SPECC1: variants seen among roughly 807,000 people sequenced by gnomAD.
SPECC1 encodes the protein cytospin-B.
In SPECC1, 62 loss-of-function variants were observed where a neutral mutation model predicts 104.1. That is an observed-to-expected ratio of 0.60 (90% CI 0.49 to 0.74). The LOEUF is 0.74. Ranked by LOEUF, SPECC1 falls within the 30% of genes least tolerant of loss-of-function variation. The pLI is 0.00. For synonymous variants in SPECC1, 513 were observed against 501.6 expected (o/e 1.02, Z -0.30); for missense variants, 1,306 against 1,310.5 (o/e 1.00, Z 0.05).
intron 3 of SPECC1, among the ~76,000 whole-genome samples, chr17:20,157,179 G>T (rs897704085): frequency 1.3e-5 from 2 of 152,176 alleles, no homozygotes; most frequent in Non-Finnish European, 2.9e-5. Context: ...TGGCCTCTGC[G>T]CATTGCTTCT....
chr17:20,299,987 A>G (rs1472603295), intron 13 of SPECC1, among the ~76,000 whole-genome samples: 1 of 152,232 alleles, frequency 6.6e-6, no homozygotes, highest in African/African-American at 2.4e-5. Context: ...ACCACCAACC[A>G]CACCTGCTTT....
At chr17:20,143,419 C>T (rs932250571) in intron 3 of SPECC1, among the ~76,000 whole-genome samples, 2 of 151,542 alleles carry the variant, frequency 1.3e-5, no homozygotes, top group East Asian at 1.9e-4. Context: ...CGTGGTGGCT[C>T]ATGCCTGTAA....
At position 20,315,811 on chromosome 17, in the gene SPECC1, C is replaced by A. The variant is rs142877250; in HGVS notation, c.*1746C>A. ...CACCTTGAGACAAGAACTCCGCCCC[C>A]CTGTTAGTGCATCCCAGCTGCAGCT... On this transcript the variant is annotated 3_prime_UTR_variant, in exon 15 of 15. Transcript: ENST00000395527. The A allele has an allele frequency of 1.3e-3, 302 of 232,848 alleles. 2 individuals carry two copies. Among genetic ancestry groups the A allele is most frequent in the African/African-American group, 5.7e-3 (259 of 45,456 alleles). The allele number at this position is 232,848 out of a possible 1,614,324, so 14.4% of individuals were successfully genotyped here. A position where few individuals can be genotyped will look rare whatever the true frequency, so the allele number is the denominator to read the frequency against.
chr17:20,294,336 C>T (rs963973260), intron 12 of SPECC1, among the ~76,000 whole-genome samples: 2 of 152,182 alleles, frequency 1.3e-5, no homozygotes, highest in East Asian at 1.9e-4. Flanking sequence ...CTGGGGGCTG[C>T]ACCCATCCCG....
chr17:20,018,044 G>C (rs1056184497), intron 1 of SPECC1: 1 of 152,526 alleles, frequency 6.6e-6, no homozygotes, highest in African/African-American at 2.4e-5. Context: ...AGTGGCGTGT[G>C]TATTCCATGT....
chr17:20,075,664 G>C (rs1567826182), intron 1 of SPECC1, among the ~76,000 whole-genome samples: 1 of 152,108 alleles, frequency 6.6e-6, no homozygotes, highest in East Asian at 1.9e-4. Context: ...ATTTAGCCAG[G>C]TCTGGGCGTC....
chr17:20,162,389 G>T (rs987209058), intron 3 of SPECC1, among the ~76,000 whole-genome samples: 1 of 151,940 alleles, frequency 6.6e-6, no homozygotes, highest in East Asian at 1.9e-4. Context: ...ATTGTGATCC[G>T]CCCACCTTGG....
intron 1 of SPECC1, among the ~76,000 whole-genome samples, chr17:20,089,166 G>A (rs765310953): frequency 2.6e-5 from 4 of 152,230 alleles, no homozygotes; most frequent in African/African-American, 4.8e-5. Context: ...TGAGGGTCCC[G>A]TTGGGGGAGT....
chr17:20,102,402 A>G lies in SPECC1; in HGVS notation c.147+5604A>G, dbSNP rs559994510. On this transcript the variant is annotated intron_variant, in intron 2 of 14. Transcript: ENST00000395527. ...TGCTCCCCTTGAAAGCTTTGCTGCT[A>G]CCCAAACTCCATGCCCTATGGGAGG... 1.1e-4 allele frequency among the ~76,000 whole-genome samples: 16 copies of G among 152,278 alleles called. No individual in the cohort carries two copies. The South Asian group carries it at 1.5e-3, about 14-fold the overall frequency.
At position 20,316,023 on chromosome 17, in the gene SPECC1, A is replaced by G. The variant is rs2042036313; in HGVS notation, c.*1958A>G. On this transcript the variant is annotated 3_prime_UTR_variant, in exon 15 of 15. Transcript: ENST00000395527. ...CACCTTCCCCTGGCAGCCACAAGGC[A>G]GGCAGCCTGCGGGAGCTCCTGAGCA... The G allele has an allele frequency of 4.3e-6, 1 of 232,660 alleles. No individual in the cohort carries two copies. Among genetic ancestry groups the G allele is most frequent in the Non-Finnish European group, 8.5e-6 (1 of 117,716 alleles). 14.4% of individuals were successfully genotyped at this position (232,660 alleles called of 1,614,324 possible). A position where few individuals can be genotyped will look rare whatever the true frequency, so the allele number is the denominator to read the frequency against.
intron 12 of SPECC1, among the ~76,000 whole-genome samples, 167 bp downstream of exon 12, chr17:20,260,461 C>A (rs920144213): frequency 6.6e-6 from 1 of 152,206 alleles, no homozygotes; most frequent in African/African-American, 2.4e-5. Flanking sequence ...TTGTGCACTG[C>A]CCAAAGGCAC....
At chr17:20,064,941 G>T (rs1452494890) in intron 1 of SPECC1, among the ~76,000 whole-genome samples, 1 of 152,168 alleles carries the variant, frequency 6.6e-6, no homozygotes, top group Non-Finnish European at 1.5e-5. Context: ...AGATGGTTTG[G>T]TTATCATGGA....
At chr17:20,059,735 G>C (rs1567818194) in intron 1 of SPECC1, among the ~76,000 whole-genome samples, 1 of 152,096 alleles carries the variant, frequency 6.6e-6, no homozygotes, top group South Asian at 2.1e-4. Context: ...GGCATGGTGG[G>C]CCTGTAGTCC....
At chr17:20,049,329 G>A (rs372489253) in intron 1 of SPECC1, among the ~76,000 whole-genome samples, 3 of 152,046 alleles carry the variant, frequency 2.0e-5, no homozygotes, top group Admixed American at 6.5e-5. Context: ...AGCCAGGTGC[G>A]GTGGGGCACA....
At chr17:20,220,383 T>G (rs545059551) in intron 4 of SPECC1, among the ~76,000 whole-genome samples, 1 of 152,094 alleles carries the variant, frequency 6.6e-6, no homozygotes, top group Admixed American at 6.5e-5. Flanking sequence ...TGTAGAGATC[T>G]TTCACTTCTT....
chr17:20,053,941 TC>T (rs1486349239), intron 1 of SPECC1, among the ~76,000 whole-genome samples: 1 of 152,212 alleles, frequency 6.6e-6, no homozygotes, highest in Non-Finnish European at 1.5e-5. Context: ...CGGCAAACCT[TC>T]CGTATTCCCA....
At chr17:20,167,508 A>G (rs769842617) in intron 3 of SPECC1, among the ~76,000 whole-genome samples, 15 of 152,040 alleles carry the variant, frequency 9.9e-5, no homozygotes, top group Non-Finnish European at 1.8e-4. Flanking sequence ...GAGAAACCCT[A>G]TCTCTACTAA....
chr17:20,285,798 CCTTT>C (rs1382304443), intron 12 of SPECC1, among the ~76,000 whole-genome samples: 1 of 150,882 alleles, frequency 6.6e-6, no homozygotes, highest in Admixed American at 6.6e-5. Flanking sequence ...TCCCTCCCTC[CCTTT>C]CTTTCTTCCT....
chr17:20,026,056 G>A (rs1260526015), intron 1 of SPECC1, among the ~76,000 whole-genome samples: 1 of 151,288 alleles, frequency 6.6e-6, no homozygotes, highest in East Asian at 1.9e-4. Context: ...TTTTTGAATT[G>A]GGTTGTTTTG....
Sources: gnomAD v4.1 joint callset for allele counts (sites outside exome capture counted in the v4.1 genomes callset) on GRCh38, gnomAD v4.1.1 for gene constraint, MANE v1.5 for transcripts, NCBI Gene and HGNC (gene_info 2026-07-23, HGNC 2026-07-21) for gene names.